The following NRXN1 variants were observed in gnomAD, a reference collection of about 807,000 sequenced individuals.
The protein encoded by NRXN1 is neurexin-1.
In NRXN1, 39 loss-of-function variants were observed where a neutral mutation model predicts 150.9. The observed-to-expected ratio is 0.26, with a 90% CI of 0.20 to 0.34. The LOEUF is 0.34. Ranked by LOEUF, NRXN1 falls within the 10% of genes least tolerant of loss-of-function variation. The pLI, the probability that NRXN1 is intolerant of heterozygous loss-of-function variation, is 1.00. For missense variants in NRXN1, 1,815 were observed against 1,949.9 expected (o/e 0.93, Z 1.30); for synonymous variants, 924 against 757.0 (o/e 1.22, Z -3.62).
intron 5 of NRXN1, among the ~76,000 whole-genome samples, chr2:50,821,352 T>G (rs1330357843): frequency 6.6e-6 from 1 of 152,188 alleles, no homozygotes; most frequent in Non-Finnish European, 1.5e-5. Flanking sequence ...ACAATTCTTC[T>G]TCTTCCAATG....
chr2:51,025,770 A>C (rs1670343631), intron 2 of NRXN1, among the ~76,000 whole-genome samples: 1 of 152,192 alleles, frequency 6.6e-6, no homozygotes, highest in African/African-American at 2.4e-5. Flanking sequence ...GAAGAAAAAA[A>C]CTATCTTTTT....
intron 13 of NRXN1, among the ~76,000 whole-genome samples, chr2:50,499,174 T>C (rs968513082): frequency 3.9e-5 from 6 of 152,206 alleles, no homozygotes; most frequent in Admixed American, 1.3e-4. Context: ...ATATGTTTGC[T>C]TAAGTGACTT....
At chr2:50,040,716 A>G (rs1321218054) in intron 21 of NRXN1, among the ~76,000 whole-genome samples, 1 of 152,160 alleles carries the variant, frequency 6.6e-6, no homozygotes, top group Middle Eastern at 3.2e-3. Context: ...TCCCACTTAC[A>G]TATGTACAAC....
chr2:50,629,801 G>A (rs183055860), intron 5 of NRXN1, among the ~76,000 whole-genome samples: 62 of 151,548 alleles, frequency 4.1e-4, no homozygotes, highest in Non-Finnish European at 6.1e-4. Flanking sequence ...ACTTTTCAAT[G>A]AATATTAATA....
chr2:50,559,184 A>G (rs1446355589), intron 8 of NRXN1, among the ~76,000 whole-genome samples: 1 of 152,306 alleles, frequency 6.6e-6, no homozygotes, highest in Non-Finnish European at 1.5e-5. Context: ...TCTACGCACC[A>G]TCTCCTTATA....
At chr2:51,018,833 T>C (rs967176054) in intron 2 of NRXN1, among the ~76,000 whole-genome samples, 1 of 152,126 alleles carries the variant, frequency 6.6e-6, no homozygotes, top group East Asian at 1.9e-4. Context: ...AAATTTGTTG[T>C]AATATTATTT....
intron 5 of NRXN1, among the ~76,000 whole-genome samples, chr2:50,683,646 A>AAAAAAAAAATATATATATATATAT: frequency 2.7e-4 from 4 of 14,896 alleles, no homozygotes; most frequent in Non-Finnish European, 3.3e-4. Context: ...AAAAAAAAAA[A>AAAAAAAAAATATATATATATATAT]ATATATATAT....
intron 18 of NRXN1, among the ~76,000 whole-genome samples, chr2:50,179,545 A>C (rs1489716793): frequency 6.6e-6 from 1 of 152,114 alleles, no homozygotes; most frequent in Admixed American, 6.6e-5. Context: ...TTTTCTGAAA[A>C]TGATATTGAT....
At chr2:50,632,345 C>T (rs1303324989) in intron 5 of NRXN1, 1 of 151,840 alleles carries the variant, frequency 6.6e-6, no homozygotes, top group Non-Finnish European at 1.5e-5. Context: ...TTAATATACA[C>T]AGATGATAGC....
chr2:50,607,048 T>C (rs887359580), intron 8 of NRXN1, among the ~76,000 whole-genome samples: 1 of 152,168 alleles, frequency 6.6e-6, no homozygotes, highest in African/African-American at 2.4e-5. Flanking sequence ...CTAATTTAGT[T>C]TGAATATATA....
intron 2 of NRXN1, among the ~76,000 whole-genome samples, chr2:50,971,630 A>G (rs1695018674): frequency 6.6e-6 from 1 of 151,984 alleles, no homozygotes; most frequent in Non-Finnish European, 1.5e-5. Flanking sequence ...TTTTAAAAAT[A>G]AATATTTCAG....
chr2:50,859,116 G>A (rs1367376624), intron 5 of NRXN1, among the ~76,000 whole-genome samples: 2 of 151,982 alleles, frequency 1.3e-5, no homozygotes, highest in Non-Finnish European at 2.9e-5. Flanking sequence ...TTTATAAAGT[G>A]AAGAAAAGTA....
In NRXN1 at chr2:50,808,137, A is replaced by G. The variant is rs987271643; in HGVS notation, c.832+113732T>C. Among the ~76,000 whole-genome samples, 83 of 152,196 alleles carry G rather than the reference A, an allele frequency of 5.5e-4. 1 individual carries two copies. The highest frequency in any genetic ancestry group is 1.9e-3 in the African/African-American group (78 of 41,544). On this transcript the variant is annotated intron_variant, in intron 5 of 22. Coordinates refer to ENST00000401669, the MANE Select transcript of NRXN1 (RefSeq NM_001330078.2). The stretch of plus-strand genomic sequence containing the variant: ...GGTAAGGTAGTGTTTAGGATTCTCC[A>G]TGTCAGTTAGTGAAAGTAAGAAGTA...
At chr2:50,470,808 G>A (rs1357141098) in intron 16 of NRXN1, among the ~76,000 whole-genome samples, 1 of 151,720 alleles carries the variant, frequency 6.6e-6, no homozygotes, top group African/African-American at 2.4e-5. Context: ...ATAATCTGAG[G>A]TGTTGAAGTG....
intron 21 of NRXN1, among the ~76,000 whole-genome samples, chr2:50,017,860 T>C (rs565241383): frequency 1.1e-4 from 17 of 152,240 alleles, no homozygotes; most frequent in African/African-American, 3.9e-4. Flanking sequence ...CTAAGAGCTA[T>C]GGGTTTATTA....
At chr2:50,687,725 G>C (rs979988651) in intron 5 of NRXN1, among the ~76,000 whole-genome samples, 2 of 152,176 alleles carry the variant, frequency 1.3e-5, no homozygotes, top group African/African-American at 4.8e-5. Flanking sequence ...TTGGGCAACC[G>C]CGTTAGGGTT....
intron 21 of NRXN1, among the ~76,000 whole-genome samples, chr2:49,989,003 A>G (rs773188961): frequency 6.6e-6 from 1 of 152,214 alleles, no homozygotes; most frequent in Non-Finnish European, 1.5e-5. Flanking sequence ...TGCCCAGCAC[A>G]ATGTGGCAGC....
intron 5 of NRXN1, among the ~76,000 whole-genome samples, chr2:50,891,318 C>T (rs1420061985): frequency 1.3e-5 from 2 of 152,012 alleles, no homozygotes; most frequent in Non-Finnish European, 1.5e-5. Flanking sequence ...TCATTTTAGA[C>T]TTAGTGATGG....
intron 15 of NRXN1, among the ~76,000 whole-genome samples, chr2:50,478,749 T>C (rs1365669910): frequency 6.6e-6 from 1 of 152,200 alleles, no homozygotes; most frequent in Non-Finnish European, 1.5e-5. Context: ...TTTCTAAACT[T>C]TCATGTTGTG....
Sources: allele counts gnomAD v4.1 joint callset (sites outside exome capture counted in the v4.1 genomes callset), GRCh38; gene constraint gnomAD v4.1.1; transcripts MANE v1.5; gene names NCBI Gene and HGNC (gene_info 2026-07-23, HGNC 2026-07-21).